The following ZMAT4 variants were observed in gnomAD, a reference collection of about 807,000 sequenced individuals.
The protein encoded by ZMAT4 is zinc finger matrin-type 4.
In ZMAT4, 17 loss-of-function variants were observed where a neutral mutation model predicts 28.7. The observed-to-expected ratio is 0.59, with a 90% CI of 0.41 to 0.89. The LOEUF (loss-of-function observed/expected upper bound fraction) is 0.89, where lower values mean the gene tolerates loss of function less well. ZMAT4 is among the 40% of genes least tolerant of loss of function. ZMAT4 has a pLI of 0.00. For synonymous variants in ZMAT4, 117 were observed against 109.2 expected (o/e 1.07, Z -0.44); for missense variants, 240 against 283.8 (o/e 0.85, Z 1.11).
At chr8:40,654,083 A>G (rs1056154006) in intron 5 of ZMAT4, among the ~76,000 whole-genome samples, 3 of 152,196 alleles carry the variant, frequency 2.0e-5, no homozygotes, top group Non-Finnish European at 4.4e-5. Flanking sequence ...TTTTTGTCAC[A>G]TTGAGCCTGC....
At position 40,674,711 on chromosome 8, in the gene ZMAT4, T is replaced by C. The variant is rs1329514079; in HGVS notation, c.570A>G (p.Glu190=). The C allele has an allele frequency of 3.1e-6, 5 of 1,613,832 alleles. No individual in the cohort carries two copies. The highest frequency in any genetic ancestry group is 4.2e-6 in the Non-Finnish European group (5 of 1,179,766). ...GAGAAGAGCTGCCCTTACCTCTCAG[T>C]TCCCCCATATCCAGGGTTGTCCCCA... is the stretch of plus-strand genomic sequence containing the variant. ...EQLGTTLDMG[E]LRGLRRNYRC... The change falls in exon 5 of 7, where the codon GAA becomes GAG. Residue 190 remains glutamate (E), a synonymous_variant. Transcript: ENST00000297737.
rs538790563 is a variant in ZMAT4 at position 40,821,861 on chromosome 8, G to C, written c.102+3714C>G. ...CCTTTCCTAACACAATGATGCCAGG[G>C]TAGCCCTCTCAATACTCCTTAAAGA... On this transcript the variant is annotated intron_variant, in intron 2 of 6. Transcript: ENST00000297737. Among the ~76,000 whole-genome samples the C allele has an allele frequency of 2.4e-4, 37 of 152,188 alleles. No individual in the cohort carries two copies. The South Asian group carries it at 7.7e-3, about 32-fold the overall frequency.
intron 2 of ZMAT4, among the ~76,000 whole-genome samples, chr8:40,822,776 G>T (rs986272833): frequency 3.9e-5 from 6 of 152,136 alleles, no homozygotes; most frequent in Non-Finnish European, 8.8e-5. Flanking sequence ...GAAGAAGGGA[G>T]GGAAATATCA....
chr8:40,847,286 C>T (rs2353239), intron 1 of ZMAT4, among the ~76,000 whole-genome samples: 6,828 of 151,670 alleles, frequency 0.045, 480 homozygotes, highest in African/African-American at 0.14. Context: ...TCAGCCTCTC[C>T]CTCTAAAAAA....
At chr8:40,817,409 G>A (rs917414821) in intron 2 of ZMAT4, among the ~76,000 whole-genome samples, 2 of 152,126 alleles carry the variant, frequency 1.3e-5, no homozygotes, top group African/African-American at 4.8e-5. Flanking sequence ...AACTCCAGGG[G>A]TCAGTGCCAG....
chr8:40,761,355 T>A (rs1328384513), intron 3 of ZMAT4, among the ~76,000 whole-genome samples: 2 of 152,126 alleles, frequency 1.3e-5, no homozygotes, highest in Non-Finnish European at 1.5e-5. Flanking sequence ...CCCCTGCAAG[T>A]CTCTGCCTAA....
At chr8:40,812,029 G>T (rs958341562) in intron 2 of ZMAT4, among the ~76,000 whole-genome samples, 1 of 152,168 alleles carries the variant, frequency 6.6e-6, no homozygotes, top group Non-Finnish European at 1.5e-5. Flanking sequence ...TACTCAGGAG[G>T]CTGAGGCAGG....
intron 5 of ZMAT4, among the ~76,000 whole-genome samples, chr8:40,607,023 A>G (rs1156449141): frequency 6.9e-6 from 1 of 144,308 alleles, no homozygotes; most frequent in Non-Finnish European, 1.5e-5. Context: ...TGTATTTTAC[A>G]TTTTTCCAAC....
chr8:40,821,887 T>G (rs1815843015), intron 2 of ZMAT4, among the ~76,000 whole-genome samples: 1 of 152,188 alleles, frequency 6.6e-6, no homozygotes, highest in Admixed American at 6.5e-5. Context: ...TCCTTAAAGA[T>G]AGATACCAAG....
At chr8:40,681,322 C>T (rs370748356) in intron 4 of ZMAT4, among the ~76,000 whole-genome samples, 9 of 152,210 alleles carry the variant, frequency 5.9e-5, no homozygotes, top group Non-Finnish European at 8.8e-5. Context: ...TTTGGAAATG[C>T]GCATTTTTTC....
intron 3 of ZMAT4, among the ~76,000 whole-genome samples, chr8:40,739,247 G>A (rs1284734491): frequency 2.6e-5 from 4 of 152,132 alleles, no homozygotes; most frequent in African/African-American, 4.8e-5. Context: ...AAGGAGTCAC[G>A]GCAACAGAAG....
chr8:40,811,712 A>C (rs1193305933), intron 2 of ZMAT4, among the ~76,000 whole-genome samples: 1 of 152,244 alleles, frequency 6.6e-6, no homozygotes, highest in East Asian at 1.9e-4. Flanking sequence ...AGTATTAGAC[A>C]GCAGTTAGAA....
Position 40,574,672 on chromosome 8 carries a change from G to A in ZMAT4, c.674+6493C>T, listed in dbSNP as rs185481112. On this transcript the variant is annotated intron_variant, in intron 6 of 6. Coordinates refer to ENST00000297737, the MANE Select transcript of ZMAT4 (RefSeq NM_024645.3). ...TTGTGGAGCACAAAAGTCCAGCATA[G>A]AGAGGGGAATGAGGCACCCACCTCT... 3.0e-3 allele frequency among the ~76,000 whole-genome samples: 463 copies of A among 152,352 alleles called. 2 individuals carry two copies. Among genetic ancestry groups the A allele is most frequent in the Non-Finnish European group, 5.2e-3 (355 of 68,032 alleles).
chr8:40,862,141 TAC>T (rs1817516521), intron 1 of ZMAT4, among the ~76,000 whole-genome samples: 1 of 152,036 alleles, frequency 6.6e-6, no homozygotes, highest in African/African-American at 2.4e-5. Flanking sequence ...TGCGGCACTA[TAC>T]ACAATAGCAA....
chr8:40,637,486 G>A (rs947846662), intron 5 of ZMAT4, among the ~76,000 whole-genome samples: 2 of 152,162 alleles, frequency 1.3e-5, no homozygotes, highest in African/African-American at 2.4e-5. Context: ...ATTCCTTCAA[G>A]TTGTGCACCT....
intron 6 of ZMAT4, among the ~76,000 whole-genome samples, chr8:40,550,549 C>A (rs1220916913): frequency 2.0e-5 from 3 of 152,184 alleles, no homozygotes; most frequent in Admixed American, 1.3e-4. Context: ...ATATTCCCCA[C>A]ATGTCAAGGG....
intron 1 of ZMAT4, among the ~76,000 whole-genome samples, chr8:40,862,672 G>A (rs893694600): frequency 6.7e-6 from 1 of 150,296 alleles, no homozygotes; most frequent in African/African-American, 2.5e-5. Flanking sequence ...TCCTTTGTAG[G>A]GACATGGATG....
intron 1 of ZMAT4, among the ~76,000 whole-genome samples, chr8:40,831,280 T>C (rs1231017276): frequency 6.6e-6 from 1 of 152,186 alleles, no homozygotes; most frequent in South Asian, 2.1e-4. Flanking sequence ...AAAATCTATT[T>C]TTGTTGTCAC....
At chr8:40,845,917 C>T (rs1430878922) in intron 1 of ZMAT4, among the ~76,000 whole-genome samples, 3 of 152,044 alleles carry the variant, frequency 2.0e-5, no homozygotes, top group East Asian at 1.9e-4. Context: ...GGAGAACCAG[C>T]CAACTGACAG....
Sources: allele counts gnomAD v4.1 joint callset (sites outside exome capture counted in the v4.1 genomes callset), GRCh38; gene constraint gnomAD v4.1.1; transcripts MANE v1.5; gene names NCBI Gene and HGNC (gene_info 2026-07-23, HGNC 2026-07-21).